The following IFT88 variants were observed in gnomAD, a reference collection of about 807,000 sequenced individuals.
IFT88 encodes the protein intraflagellar transport 88, also known as intraflagellar transport protein 88 homolog.
A neutral mutation model predicts 119.5 loss-of-function variants in IFT88; 74 were observed. That is an observed-to-expected ratio of 0.62 (90% CI 0.51 to 0.75). The LOEUF (loss-of-function observed/expected upper bound fraction) is 0.75, where lower values mean the gene tolerates loss of function less well. Among genes scored for constraint, IFT88 ranks in the 30% least tolerant of loss-of-function variants. The probability of loss-of-function intolerance (pLI) is 0.00; values close to 1 mark genes in which losing one functional copy is unlikely to be tolerated. For missense variants in IFT88, 961 were observed against 977.7 expected (o/e 0.98, Z 0.23); for synonymous variants, 279 against 316.7 (o/e 0.88, Z 1.26).
At chr13:20,657,464 A>C (rs2053028368) in intron 22 of IFT88, among the ~76,000 whole-genome samples, 1 of 152,256 alleles carries the variant, frequency 6.6e-6, no homozygotes, top group African/African-American at 2.4e-5. Flanking sequence ...TTATGTGGAA[A>C]TATAAAGCAA....
chr13:20,645,764 C>T (rs1027864974), intron 20 of IFT88, among the ~76,000 whole-genome samples: 1 of 151,918 alleles, frequency 6.6e-6, no homozygotes, highest in Non-Finnish European at 1.5e-5. Context: ...TTGTATTTGG[C>T]CATATTGAAT....
rs1392947912 is a variant in IFT88 at position 20,625,837 on chromosome 13, A to G, written c.1287A>G (p.Lys429=). The G allele has an allele frequency of 6.3e-7, 1 of 1,586,726 alleles. No homozygotes were observed. Residue 429 remains lysine, a synonymous_variant, in exon 15 of 26, where the codon AAA becomes AAG. Transcript: ENST00000351808. The stretch of plus-strand genomic sequence containing the variant: ...AAGCAGTTACATACTTGAGACAAAA[A>G]GACTATAACCAAGTAAGTTTTAAAA... The part of the protein sequence containing the change: ...INKAVTYLRQ[K]DYNQAVEILK...
chr13:20,573,436 C>T (rs1393294237), intron 1 of IFT88, among the ~76,000 whole-genome samples: 1 of 152,048 alleles, frequency 6.6e-6, no homozygotes, highest in Admixed American at 6.5e-5. Flanking sequence ...CATTTTGGCT[C>T]AAGTAAACTT....
intron 13 of IFT88, among the ~76,000 whole-genome samples, chr13:20,609,486 G>A (rs1039314611): frequency 6.6e-6 from 1 of 152,164 alleles, no homozygotes; most frequent in Non-Finnish European, 1.5e-5. Context: ...GCTGGGTGCG[G>A]TGGTTCAACC....
intron 13 of IFT88, chr13:20,608,145 A>T (rs1408750767): frequency 1.4e-5 from 6 of 437,236 alleles, no homozygotes; most frequent in South Asian, 1.2e-4. Context: ...TTGAACCACT[A>T]TGACTTGTAG....
intron 24 of IFT88, among the ~76,000 whole-genome samples, chr13:20,683,336 G>T (rs2057528852): frequency 6.6e-6 from 1 of 152,036 alleles, no homozygotes; most frequent in African/African-American, 2.4e-5. Flanking sequence ...TTTAACCCTT[G>T]TAAATTTTTT....
At chr13:20,586,131 G>A (rs2039622171) in intron 3 of IFT88, among the ~76,000 whole-genome samples, 1 of 152,212 alleles carries the variant, frequency 6.6e-6, no homozygotes, top group Admixed American at 6.5e-5. Flanking sequence ...TTATTTTATA[G>A]ATGAGGAAAC....
rs1555272456 is a variant in IFT88, at chr13:20,614,817, C to CTTTTCTT, written c.1113-972_1113-971insCTTTTTT. 1.1e-4 allele frequency among the ~76,000 whole-genome samples: 14 copies of CTTTTCTT among 125,858 alleles called. No individual in the cohort carries two copies. The South Asian group carries it at 1.3e-3, about 12-fold the overall frequency. The allele number at this position is 125,858 out of a possible 152,430, so 82.6% of individuals were successfully genotyped here. A position where few individuals can be genotyped will look rare whatever the true frequency, so the allele number is the denominator to read the frequency against. ...ATGATTTGGAAAGATTATTTCTTTT[C>CTTTTCTT]TTTTTTTTTTTTTTTTGAGACGGAG... On this transcript the variant is annotated intron_variant, in intron 13 of 25. Transcript: ENST00000351808.
At chr13:20,578,580 G>A (rs1367451636) in intron 2 of IFT88, among the ~76,000 whole-genome samples, 3 of 151,538 alleles carry the variant, frequency 2.0e-5, no homozygotes, top group African/African-American at 7.3e-5. Flanking sequence ...ACAGAGTCTC[G>A]CTCTGGTTGC....
chr13:20,645,366 A>T (rs1019170553), intron 20 of IFT88, among the ~76,000 whole-genome samples: 1 of 152,206 alleles, frequency 6.6e-6, no homozygotes, highest in Non-Finnish European at 1.5e-5. Context: ...CTGGGATTAC[A>T]GGCATGAGCC....
At chr13:20,660,436 A>G (rs1351436374) in intron 22 of IFT88, among the ~76,000 whole-genome samples, 4 of 152,182 alleles carry the variant, frequency 2.6e-5, no homozygotes, top group Admixed American at 2.0e-4. Flanking sequence ...AGAATAATAC[A>G]ATTTGACATA....
chr13:20,685,975 T>C (rs1262987092), intron 24 of IFT88, among the ~76,000 whole-genome samples: 1 of 152,260 alleles, frequency 6.6e-6, no homozygotes, highest in Non-Finnish European at 1.5e-5. Context: ...ACATTATTTA[T>C]GGTAGAAACA....
chr13:20,601,222 C>T (rs2042546047), intron 11 of IFT88, among the ~76,000 whole-genome samples: 1 of 152,064 alleles, frequency 6.6e-6, no homozygotes, highest in Non-Finnish European at 1.5e-5. Context: ...AAAAATTAGC[C>T]CGGCGTGGTG....
intron 20 of IFT88, among the ~76,000 whole-genome samples, chr13:20,651,481 T>G (rs2051685234): frequency 6.7e-6 from 1 of 148,746 alleles, no homozygotes; most frequent in Non-Finnish European, 1.5e-5. Context: ...TTTATGATAG[T>G]CAAAAGTAGC....
At position 20,690,946 on chromosome 13, in the gene IFT88, C is replaced by G. The variant is rs558960123; in HGVS notation, c.2354-108C>G. 9.1e-6 allele frequency: 13 copies of G among 1,425,582 alleles called. No homozygotes were observed. The East Asian group carries it at 3.0e-4, about 33-fold the overall frequency. 88.3% of individuals were successfully genotyped at this position (1,425,582 alleles called of 1,614,324 possible). A position where few individuals can be genotyped will look rare whatever the true frequency, so the allele number is the denominator to read the frequency against. On this transcript the variant is annotated intron_variant, in intron 25 of 25. Transcript: ENST00000351808. ...ATAAAATTTAAAATGACTTGGGAGACCATTTCTGTTCACTCTGAGTTATTC... is the reference window on the plus strand; with the variant it reads ...ATAAAATTTAAAATGACTTGGGAGAGCATTTCTGTTCACTCTGAGTTATTC...
At chr13:20,617,874 A>G (rs117563161) in intron 14 of IFT88, among the ~76,000 whole-genome samples, 5,018 of 150,280 alleles carry the variant, frequency 0.033, 108 homozygotes, top group African/African-American at 0.052. Flanking sequence ...GCTCACTGCA[A>G]TCTCCACTTC....
intron 13 of IFT88, among the ~76,000 whole-genome samples, chr13:20,609,906 C>T (rs930553131): frequency 6.6e-6 from 1 of 152,168 alleles, no homozygotes; most frequent in Non-Finnish European, 1.5e-5. Context: ...CATGAAAGGA[C>T]TGTGCCCTCA....
chr13:20,614,798 T>C (rs1276601087), intron 13 of IFT88, among the ~76,000 whole-genome samples: 1 of 150,906 alleles, frequency 6.6e-6, no homozygotes, highest in Non-Finnish European at 1.5e-5. Context: ...TTGAATGATT[T>C]GGAAAGATTA....
chr13:20,599,804 G>A (rs916384716), intron 11 of IFT88, among the ~76,000 whole-genome samples: 2 of 152,100 alleles, frequency 1.3e-5, no homozygotes, highest in African/African-American at 4.8e-5. Context: ...CAATAAAGGG[G>A]TTAACCCTGA....
Sources: gnomAD v4.1 joint callset for allele counts (sites outside exome capture counted in the v4.1 genomes callset) on GRCh38, gnomAD v4.1.1 for gene constraint, MANE v1.5 for transcripts, NCBI Gene and HGNC (gene_info 2026-07-23, HGNC 2026-07-21) for gene names.